The following ENTREP3 variants were observed in gnomAD, a reference collection of about 807,000 sequenced individuals.
ENTREP3 encodes protein ENTREP3.
At chr1:155,255,173 A>T in the ENTREP3 span, 1 of 462,308 alleles carries the variant, frequency 2.2e-6, no homozygotes, top group Non-Finnish European at 4.0e-6. This position sits in a 1 kb window ranked among gnomAD's most constrained non-coding sequence, Gnocchi z 5.6. Flanking sequence ...CCTAGGGAAG[A>T]GGGGCACCGA....
At chr1:155,248,242 A>T in the ENTREP3 span, 58 of 1,604,494 alleles carry the variant, frequency 3.6e-5, no homozygotes, top group Admixed American at 9.2e-4. Flanking sequence ...CTGACCGGGC[A>T]CGTAGCAACT....
At chr1:155,251,232 C>T in the ENTREP3 span, 500 of 1,294,750 alleles carry the variant, frequency 3.9e-4, 2 homozygotes, top group East Asian at 0.011. Context: ...AGACAGAGCT[C>T]TGGAGACTTA....
At chr1:155,253,561 GTC>G in the ENTREP3 span, 1 of 1,154,926 alleles carries the variant, frequency 8.7e-7, no homozygotes, top group Non-Finnish European at 1.3e-6. Context: ...CCTCAGGCAA[GTC>G]TCAGCACACA....
At chr1:155,250,411 G>T in the ENTREP3 span, 1 of 1,506,430 alleles carries the variant, frequency 6.6e-7, no homozygotes, top group East Asian at 2.5e-5. This position sits in a 1 kb window ranked among gnomAD's most constrained non-coding sequence, Gnocchi z 5.4. Flanking sequence ...CGACGAGTCG[G>T]GGCTCGGGTG....
the ENTREP3 span, chr1:155,247,907 G>A: frequency 5.0e-6 from 8 of 1,589,592 alleles, no homozygotes; most frequent in African/African-American, 2.7e-5. Flanking sequence ...CCGCAGCTGC[G>A]AAGGTGGAGG....
At chr1:155,247,212 G>C in the ENTREP3 span, 2 of 337,454 alleles carry the variant, frequency 5.9e-6, no homozygotes, top group Non-Finnish European at 1.2e-5. Context: ...GAATGATCAA[G>C]AAAACAAGGG....
the ENTREP3 span, chr1:155,250,829 C>T: frequency 1.3e-6 from 2 of 1,590,876 alleles, no homozygotes; most frequent in Non-Finnish European, 1.7e-6. The surrounding 1 kb of genome is among the most constrained non-coding windows in gnomAD (Gnocchi z 5.4). Context: ...ACACTGTGGG[C>T]GGCAGGGGGC....
At chr1:155,250,759 G>C in the ENTREP3 span, 1 of 1,612,448 alleles carries the variant, frequency 6.2e-7, no homozygotes, top group South Asian at 1.1e-5. The surrounding 1 kb of genome is among the most constrained non-coding windows in gnomAD (Gnocchi z 5.4). Context: ...TCCTCCGACG[G>C]GCTAGAGCCC....
At chr1:155,253,339 C>G in the ENTREP3 span, 2 of 353,268 alleles carry the variant, frequency 5.7e-6, no homozygotes, top group East Asian at 5.2e-5. Flanking sequence ...GCCACCGTGC[C>G]CAGCATAGGA....
the ENTREP3 span, among the ~76,000 whole-genome samples, chr1:155,249,905 A>T: frequency 2.7e-5 from 4 of 150,166 alleles, no homozygotes; most frequent in East Asian, 2.0e-4. Context: ...AAAAAAAAAA[A>T]ATATTAGCCG....
chr1:155,251,466 C>T, the ENTREP3 span: 1 of 1,518,850 alleles, frequency 6.6e-7, no homozygotes, highest in Non-Finnish European at 9.1e-7. Flanking sequence ...TACAACCCGG[C>T]TCCCCAGCCC....
the ENTREP3 span, chr1:155,252,690 G>GTGTATATATATATATATATA: frequency 9.1e-5 from 3 of 32,878 alleles, no homozygotes; most frequent in African/African-American, 1.9e-4. Context: ...AATTTTGTGT[G>GTGTATATATATATATATATA]TATATATATA....
At chr1:155,254,448 G>A in the ENTREP3 span, 4 of 1,614,088 alleles carry the variant, frequency 2.5e-6, no homozygotes, top group South Asian at 3.3e-5. The surrounding 1 kb of genome is among the most constrained non-coding windows in gnomAD (Gnocchi z 4.4). Context: ...CCACCCCGGA[G>A]AACGCCAGCT....
At chr1:155,250,453 G>A in the ENTREP3 span, 2 of 1,478,090 alleles carry the variant, frequency 1.4e-6, no homozygotes, top group African/African-American at 1.4e-5. This position sits in a 1 kb window ranked among gnomAD's most constrained non-coding sequence, Gnocchi z 5.4. Flanking sequence ...CCCCCTCCCC[G>A]GGGGACCCGC....
At chr1:155,253,782 C>T in the ENTREP3 span, 1 of 1,609,396 alleles carries the variant, frequency 6.2e-7, no homozygotes, top group Non-Finnish European at 8.5e-7. Flanking sequence ...AAGTTCCACA[C>T]ATTATGGGCC....
At chr1:155,247,955 C>G in the ENTREP3 span, 1 of 1,604,462 alleles carries the variant, frequency 6.2e-7, no homozygotes, top group East Asian at 2.2e-5. Flanking sequence ...CTCCGGGGCA[C>G]CTGGACAGGG....
chr1:155,249,149 A>G, the ENTREP3 span, among the ~76,000 whole-genome samples: 2 of 151,786 alleles, frequency 1.3e-5, no homozygotes, highest in Non-Finnish European at 2.9e-5. Context: ...GTGCAGTGGC[A>G]TGATCTTGGC....
the ENTREP3 span, chr1:155,250,465 G>T: frequency 1.2e-5 from 17 of 1,474,822 alleles, no homozygotes; most frequent in South Asian, 2.0e-4. This position sits in a 1 kb window ranked among gnomAD's most constrained non-coding sequence, Gnocchi z 5.4. Context: ...GGGACCCGCC[G>T]CCTCAGCTCG....
the ENTREP3 span, chr1:155,251,040 C>T: frequency 2.6e-6 from 4 of 1,527,184 alleles, no homozygotes; most frequent in South Asian, 4.6e-5. Context: ...CTCTACCCAC[C>T]CCAGCTATCC....
Sources: gnomAD v4.1 joint callset for allele counts (sites outside exome capture counted in the v4.1 genomes callset) on GRCh38, gnomAD v4.1.1 for gene constraint, Gnocchi (gnomAD v3.1) non-coding constraint, MANE v1.5 for transcripts, NCBI Gene and HGNC (gene_info 2026-07-23, HGNC 2026-07-21) for gene names.